Variants in RASSF3 observed in about 807,000 individuals in gnomAD.
The protein encoded by RASSF3 is Ras association domain family member 3.
In RASSF3, 19 loss-of-function variants were observed where a neutral mutation model predicts 19.9. The ratio of observed to expected loss-of-function variants is 0.96; its 90% CI spans 0.67 to 1.40. The LOEUF is 1.40. Ranked by LOEUF, RASSF3 falls within the 40% of genes most tolerant of loss-of-function variation. The pLI, the probability that RASSF3 is intolerant of heterozygous loss-of-function variation, is 0.00. For missense variants in RASSF3, 306 were observed against 289.8 expected (o/e 1.06, Z -0.41); for synonymous variants, 110 against 104.2 (o/e 1.06, Z -0.34).
chr12:64,685,341 C>T (rs1467341482), intron 2 of RASSF3, among the ~76,000 whole-genome samples: 3 of 152,146 alleles, frequency 2.0e-5, no homozygotes, highest in Admixed American at 2.0e-4. Context: ...GACCTCCGGG[C>T]TCAAGTAATC....
chr12:64,513,523 G>A (rs1332326113), intron 1 of RASSF3, among the ~76,000 whole-genome samples: 1 of 151,588 alleles, frequency 6.6e-6, no homozygotes, highest in African/African-American at 2.4e-5. Context: ...AATCTCAGGA[G>A]ATATATAATA....
chr12:64,686,794 T>C (rs1237026804), intron 2 of RASSF3, among the ~76,000 whole-genome samples: 1 of 152,138 alleles, frequency 6.6e-6, no homozygotes, highest in Non-Finnish European at 1.5e-5. Context: ...GCCACTGCAC[T>C]CCAGCCTGGG....
At chr12:64,633,380 C>A (rs1011523166) in intron 1 of RASSF3, among the ~76,000 whole-genome samples, 1 of 152,134 alleles carries the variant, frequency 6.6e-6, no homozygotes, top group Non-Finnish European at 1.5e-5. Flanking sequence ...TTAGTACCAC[C>A]TCCTTGGTGA....
chr12:64,561,011 T>G (rs1022510721), intron 2 of RASSF3, among the ~76,000 whole-genome samples: 1 of 152,240 alleles, frequency 6.6e-6, no homozygotes, highest in East Asian at 1.9e-4. Context: ...TGAGTCTGTA[T>G]TAGTACAGAA....
chr12:64,619,926 G>A (rs1257001487), intron 1 of RASSF3, among the ~76,000 whole-genome samples: 1 of 150,670 alleles, frequency 6.6e-6, no homozygotes, highest in Non-Finnish European at 1.5e-5. Context: ...GTTGTGGTGA[G>A]CCGAGATTGC....
rs763697755 is a variant in RASSF3 at position 64,691,560 on chromosome 12, G to A, written c.548G>A (p.Arg183His). ...ACAGACACACTTAGTTTTGTTCTTC[G>A]TGAACATGAAATTGGAGAGGTAAGT... is the stretch of plus-strand genomic sequence containing the variant. The part of the protein sequence containing the change: ...PRTDTLSFVL[R>H]EHEIGEWEAF... Residue 183 changes from arginine (R) to histidine (H), a missense_variant, in exon 4 of 5, where the codon CGT becomes CAT. By Grantham distance (29) the Arg-to-His change is conservative (BLOSUM62 0). Transcript: ENST00000542104. 5 of 1,609,834 alleles carry A rather than the reference G, an allele frequency of 3.1e-6. No homozygotes were observed. The highest frequency in any genetic ancestry group is 1.3e-5 in the African/African-American group (1 of 74,808).
rs183206331 is a variant in RASSF3 at position 64,652,718 on chromosome 12, G to A, written c.112-32069G>A. Among the ~76,000 whole-genome samples, 161 of 152,276 alleles carry A rather than the reference G, an allele frequency of 1.1e-3. 1 individual carries two copies. Among genetic ancestry groups the A allele is most frequent in the Admixed American group, 0.01 (160 of 15,280 alleles). On this transcript the variant is annotated intron_variant, in intron 1 of 4. Coordinates refer to ENST00000542104, the MANE Select transcript of RASSF3 (RefSeq NM_178169.4). The stretch of plus-strand genomic sequence containing the variant: ...TTCCTTGAATATATGATGGAATTAT[G>A]TAGTGGTTACTGCAGTAATCACACT...
intron 2 of RASSF3, among the ~76,000 whole-genome samples, chr12:64,584,501 A>AAG (rs1869759319): frequency 1.2e-5 from 1 of 83,520 alleles, no homozygotes; most frequent in South Asian, 3.7e-4. Context: ...GGTCCAGGCT[A>AAG]AGAAAAAAAA....
chr12:64,652,630 A>G (rs935523572), intron 1 of RASSF3, among the ~76,000 whole-genome samples: 2 of 152,194 alleles, frequency 1.3e-5, no homozygotes, highest in Admixed American at 1.3e-4. Context: ...CAATCCAGAG[A>G]TGAATGAGGA....
chr12:64,642,857 C>G (rs1428885196), intron 1 of RASSF3, among the ~76,000 whole-genome samples: 1 of 148,120 alleles, frequency 6.8e-6, no homozygotes, highest in Non-Finnish European at 1.5e-5. Flanking sequence ...GGGCAAGTTT[C>G]TTTCTTTCTT....
At chr12:64,559,346 C>T (rs1250606699) in intron 2 of RASSF3, among the ~76,000 whole-genome samples, 4 of 151,524 alleles carry the variant, frequency 2.6e-5, no homozygotes, top group African/African-American at 9.7e-5. Context: ...CGGGTTCATG[C>T]CATTCTCCTG....
intron 1 of RASSF3, among the ~76,000 whole-genome samples, chr12:64,632,342 A>G (rs1871195767): frequency 6.6e-6 from 1 of 152,128 alleles, no homozygotes; most frequent in Admixed American, 6.6e-5. Flanking sequence ...TGAGGATTGA[A>G]TATTTTGTGA....
intron 1 of RASSF3, among the ~76,000 whole-genome samples, chr12:64,521,331 C>G (rs1038204099): frequency 2.0e-5 from 3 of 152,148 alleles, no homozygotes; most frequent in Non-Finnish European, 2.9e-5. Flanking sequence ...GAGAAAGAGG[C>G]CCAAAGTTCC....
At chr12:64,568,342 GT>G (rs1337016373) in intron 2 of RASSF3, among the ~76,000 whole-genome samples, 1 of 152,024 alleles carries the variant, frequency 6.6e-6, no homozygotes, top group South Asian at 2.1e-4. Flanking sequence ...CGCTTGTTTG[GT>G]TTTTTAAACT....
Position 64,586,821 on chromosome 12 carries a change from G to C in RASSF3, c.294+45116G>C, listed in dbSNP as rs1450972429. Among the ~76,000 whole-genome samples the C allele has an allele frequency of 1.3e-5, 2 of 151,852 alleles. 1 individual carries two copies. Among genetic ancestry groups the C allele is most frequent in the African/African-American group, 4.8e-5 (2 of 41,430 alleles). Reference sequence around the variant, plus strand: ...GCCTGTAATCTCAGCTACTTGGGAGGCTGAGGCAGGAGAATCGCTTGAACA... The same window carrying C: ...GCCTGTAATCTCAGCTACTTGGGAGCCTGAGGCAGGAGAATCGCTTGAACA... On this transcript the variant is annotated intron_variant, in intron 2 of 5. Coordinates refer to the RASSF3 transcript ENST00000637125.
intron 1 of RASSF3, among the ~76,000 whole-genome samples, chr12:64,668,891 G>A (rs1180838555): frequency 6.6e-6 from 1 of 151,168 alleles, no homozygotes; most frequent in African/African-American, 2.4e-5. Flanking sequence ...CCGTGGTCTC[G>A]ATCTCCTGAC....
At chr12:64,536,703 T>C (rs1565834872) in intron 1 of RASSF3, among the ~76,000 whole-genome samples, 1 of 152,254 alleles carries the variant, frequency 6.6e-6, no homozygotes. Context: ...AGGAATTATA[T>C]AGGATTTCAG....
At chr12:64,554,756 G>A (rs1465210877) in intron 2 of RASSF3, among the ~76,000 whole-genome samples, 2 of 152,152 alleles carry the variant, frequency 1.3e-5, no homozygotes, top group African/African-American at 4.8e-5. Context: ...AATTACTTTT[G>A]TGTATTTTTT....
At chr12:64,527,821 G>A (rs184740017) in intron 1 of RASSF3, among the ~76,000 whole-genome samples, 1 of 152,212 alleles carries the variant, frequency 6.6e-6, no homozygotes, top group East Asian at 1.9e-4. Flanking sequence ...TGTAATCCCA[G>A]CTACTTGGGA....
Sources: allele counts gnomAD v4.1 joint callset (sites outside exome capture counted in the v4.1 genomes callset), GRCh38; gene constraint gnomAD v4.1.1; transcripts MANE v1.5; gene names NCBI Gene and HGNC (gene_info 2026-07-23, HGNC 2026-07-21).